URAD: variants seen among roughly 807,000 people sequenced by gnomAD.
URAD encodes the protein ureidoimidazoline (2-oxo-4-hydroxy-4-carboxy-5-) decarboxylase.
In URAD, 4 loss-of-function variants were observed where a neutral mutation model predicts 4.6. The observed-to-expected ratio is 0.87, with a 90% CI of 0.43 to 1.98. The LOEUF (loss-of-function observed/expected upper bound fraction) is 1.98. Ranked by LOEUF, URAD falls within the 30% of genes most tolerant of loss-of-function variation. The probability of loss-of-function intolerance (pLI) is 0.03; values close to 1 mark genes in which losing one functional copy is unlikely to be tolerated. For synonymous variants in URAD, 144 were observed against 118.2 expected (o/e 1.22, Z -1.41); for missense variants, 300 against 255.3 (o/e 1.18, Z -1.19).
intron 1 of URAD, among the ~76,000 whole-genome samples, chr13:27,985,885 A>C (rs1870014373): frequency 6.6e-6 from 1 of 152,194 alleles, no homozygotes; most frequent in Middle Eastern, 3.2e-3. Context: ...GCAAGTGCAA[A>C]GTTTTTGGAA....
intron 1 of URAD, among the ~76,000 whole-genome samples, chr13:27,984,875 A>T (rs923926588): frequency 6.6e-6 from 1 of 152,116 alleles, no homozygotes; most frequent in Non-Finnish European, 1.5e-5. Context: ...GCTACTCCGG[A>T]GGCTGAGGCA....
Position 27,978,299 on chromosome 13 carries a change from T to G in URAD, c.329A>C (p.Gln110Pro). 1.4e-6 allele frequency: 2 copies of G among 1,408,572 alleles called. No individual in the cohort carries two copies. The highest frequency in any genetic ancestry group is 1.8e-6 in the Non-Finnish European group (2 of 1,089,388). The allele number at this position is 1,408,572 out of a possible 1,614,324, so 87.3% of individuals were successfully genotyped here. A position where few individuals can be genotyped will look rare whatever the true frequency, so the allele number is the denominator to read the frequency against. ...ERLRLAELNA[Q>P]YRARFGFPFV... ...GGGGAAACCGAAGCGCGCGCGGTACTGCGCGTTGAGCTCGGCCAGCCGCAG... is the reference window on the plus strand; with the variant it reads ...GGGGAAACCGAAGCGCGCGCGGTACGGCGCGTTGAGCTCGGCCAGCCGCAG... Residue 110 changes from glutamine to proline, a missense_variant, in exon 2 of 2, where the codon CAG becomes CCG. By Grantham distance (76) the Gln-to-Pro change is moderately conservative. Transcript: ENST00000332715.
intron 1 of URAD, 42 bp from the exon 2 acceptor site, chr13:27,978,494 GCC>G: frequency 7.8e-7 from 1 of 1,283,608 alleles, no homozygotes; most frequent in South Asian, 2.4e-5. Flanking sequence ...CGTCAACCGC[GCC>G]CGTCCCGCAC....
chr13:27,987,503 C>T (rs1214676279), intron 1 of URAD, among the ~76,000 whole-genome samples: 2 of 152,184 alleles, frequency 1.3e-5, no homozygotes, highest in African/African-American at 2.4e-5. Flanking sequence ...CTCGGCCATC[C>T]AGTCCAAACT....
Position 27,988,501 on chromosome 13 carries a change from T to G in URAD, c.137A>C (p.Lys46Thr). ...GGCATCAATAAAGGCAAAAAAGTGC[T>G]TCTCTAAATCTTCCAAATCAGAGAA... The part of the protein sequence containing the change: ...RPFSDLEDLE[K>T]HFFAFIDALA... Residue 46 changes from lysine (K) to threonine (T), a missense_variant, in exon 1 of 2, where the codon AAG becomes ACG. Transcript: ENST00000332715. 1 of 1,613,492 alleles carries G rather than the reference T, an allele frequency of 6.2e-7. No homozygotes were observed. Among genetic ancestry groups the G allele is most frequent in the Non-Finnish European group, 8.5e-7 (1 of 1,179,626 alleles).
chr13:27,978,511 C>T, intron 1 of URAD, 59 bp from the exon 2 acceptor site: 7 of 1,224,816 alleles, frequency 5.7e-6, no homozygotes, highest in Non-Finnish European at 7.2e-6. Context: ...CCGCACCGCG[C>T]ACTCGAGGGG....
chr13:27,988,251 C>T (rs1033052696), intron 1 of URAD, among the ~76,000 whole-genome samples: 2 of 139,346 alleles, frequency 1.4e-5, no homozygotes. Context: ...GCCACCAACA[C>T]GCCCGGCCTA....
chr13:27,979,450 G>T (rs1474147697), intron 1 of URAD, among the ~76,000 whole-genome samples: 1 of 152,208 alleles, frequency 6.6e-6, no homozygotes, highest in African/African-American at 2.4e-5. Flanking sequence ...TGAGCAGGGC[G>T]CTATGATTTG....
chr13:27,983,114 C>A (rs1484182449), intron 1 of URAD, among the ~76,000 whole-genome samples: 1 of 152,188 alleles, frequency 6.6e-6, no homozygotes. Flanking sequence ...TTTACATGAT[C>A]AGGCCCTTGC....
Position 27,977,867 on chromosome 13 carries a change from C to G in URAD, c.*239G>C, listed in dbSNP as rs1417517005. The stretch of plus-strand genomic sequence containing the variant: ...GGGAGTGAAGAATTGAAGCAGTGAG[C>G]TGGATAAATCCGGGGCAAAGCACTA... On this transcript the variant is annotated 3_prime_UTR_variant, in exon 2 of 2. Transcript: ENST00000332715. The G allele has an allele frequency of 2.2e-6, 1 of 455,408 alleles. No individual in the cohort carries two copies. The highest frequency in any genetic ancestry group is 3.8e-6 in the Non-Finnish European group (1 of 260,284). The allele number at this position is 455,408 out of a possible 1,614,324, so 28.2% of individuals were successfully genotyped here.
chr13:27,986,104 C>T (rs934353896), intron 1 of URAD, among the ~76,000 whole-genome samples: 4 of 152,114 alleles, frequency 2.6e-5, no homozygotes, highest in Non-Finnish European at 2.9e-5. Flanking sequence ...TCCCCAGAAC[C>T]GTGTCTACTG....
intron 1 of URAD, among the ~76,000 whole-genome samples, chr13:27,985,412 G>A (rs537012730): frequency 6.6e-5 from 10 of 151,902 alleles, no homozygotes; most frequent in Non-Finnish European, 1.3e-4. Context: ...GAGCCAAGAT[G>A]GTGCCACTGC....
At position 27,978,392 on chromosome 13, in the gene URAD, G is replaced by T. The variant is rs778345813; in HGVS notation, c.236C>A (p.Thr79Lys). The T allele has an allele frequency of 3.1e-5, 44 of 1,399,696 alleles. No individual in the cohort carries two copies. The highest frequency in any genetic ancestry group is 3.1e-5 in the Admixed American group (1 of 32,004). 86.7% of individuals were successfully genotyped at this position (1,399,696 alleles called of 1,614,324 possible). A position where few individuals can be genotyped will look rare whatever the true frequency, so the allele number is the denominator to read the frequency against. Residue 79 changes from threonine (T) to lysine (K), a missense_variant, in exon 2 of 2, where the codon ACG becomes AAG. Transcript: ENST00000332715. ...TTCCCGCTGCGACTCGGCCGTGAGC[G>T]TGCCCCGCTGCAGCTCGCTGCCCGC... is the stretch of plus-strand genomic sequence containing the variant. ...DLAGSELQRG[T>K]LTAESQREQS... is the part of the protein sequence containing the mutation.
At chr13:27,982,104 C>T (rs1298927997) in intron 1 of URAD, among the ~76,000 whole-genome samples, 1 of 152,118 alleles carries the variant, frequency 6.6e-6, no homozygotes, top group Non-Finnish European at 1.5e-5. Flanking sequence ...CTCTCCAGAC[C>T]ATGTCACCTG....
intron 1 of URAD, among the ~76,000 whole-genome samples, chr13:27,984,081 T>C (rs1472634996): frequency 6.6e-6 from 1 of 151,998 alleles, no homozygotes; most frequent in Non-Finnish European, 1.5e-5. Flanking sequence ...GGGTTCTCGC[T>C]CTGTCATCCA....
intron 1 of URAD, among the ~76,000 whole-genome samples, chr13:27,981,028 C>CCT (rs112351328): frequency 0.36 from 42,157 of 116,920 alleles, 7,241 homozygotes; most frequent in South Asian, 0.66. Context: ...CTCTCTCTCT[C>CCT]CTCTCTCTCT....
intron 1 of URAD, among the ~76,000 whole-genome samples, chr13:27,987,892 TGATAGATAGATAGATA>T (rs6144971): frequency 0.26 from 39,401 of 150,080 alleles, 5,260 homozygotes; most frequent in Admixed American, 0.37. Context: ...AATAGATAGA[TGATAGATAGATAGATA>T]GATAGATAGA....
At chr13:27,981,994 C>G (rs1283386266) in intron 1 of URAD, among the ~76,000 whole-genome samples, 3 of 152,258 alleles carry the variant, frequency 2.0e-5, no homozygotes, top group South Asian at 2.1e-4. Context: ...TTTCCAGGCT[C>G]ACTCTGTCAC....
intron 1 of URAD, among the ~76,000 whole-genome samples, chr13:27,979,731 G>A (rs2082547416): frequency 6.6e-6 from 1 of 152,172 alleles, no homozygotes; most frequent in African/African-American, 2.4e-5. Context: ...TCTCAAAGAA[G>A]CTGAAAATTA....
Sources: allele counts gnomAD v4.1 joint callset (sites outside exome capture counted in the v4.1 genomes callset), GRCh38; gene constraint gnomAD v4.1.1; transcripts MANE v1.5; gene names NCBI Gene and HGNC (gene_info 2026-07-23, HGNC 2026-07-21).